PREX2: variants seen among roughly 807,000 people sequenced by gnomAD.
PREX2 encodes the protein phosphatidylinositol 3,4,5-trisphosphate-dependent Rac exchanger 2 protein.
A neutral mutation model predicts 203.2 loss-of-function variants in PREX2; 107 were observed. That is an observed-to-expected ratio of 0.53 (90% confidence interval 0.45 to 0.62). The LOEUF (loss-of-function observed/expected upper bound fraction) is 0.62, where lower values mean the gene tolerates loss of function less well. Ranked by LOEUF, PREX2 falls within the 20% of genes least tolerant of loss-of-function variation. The probability of loss-of-function intolerance (pLI) is 0.00; values close to 1 mark genes in which losing one functional copy is unlikely to be tolerated. For missense variants in PREX2, 1,777 were observed against 1,955.9 expected, an observed-to-expected ratio of 0.91 and a Z score of 1.72; for synonymous variants, 672 against 663.6, an observed-to-expected ratio of 1.01 and a Z score of -0.19.
In PREX2 at chr8:68,108,176, T is replaced by C. The variant is rs1488433073; in HGVS notation, c.2783T>C (p.Leu928Pro). ...CAGGCCAAATCTAAAATCTCCCCAC[T>C]GCACAGCAGTGATTTCTGCCCTACC... ...FKQAKSKISP[L>P]HSSDFCPTNC... Residue 928 changes from leucine (L) to proline (P), a missense_variant, in exon 24 of 40, where the codon CTG (leucine) becomes CCG (proline). By Grantham distance (98) the Leu-to-Pro change is moderately conservative. Coordinates refer to ENST00000288368, the MANE Select transcript of PREX2 (RefSeq NM_024870.4). 6.2e-7 allele frequency: 1 copy of C among 1,614,010 alleles called. No homozygotes were observed. The highest frequency in any genetic ancestry group is 1.1e-5 in the South Asian group (1 of 91,076).
intron 35 of PREX2, among the ~76,000 whole-genome samples, chr8:68,190,684 C>T (rs1355169465): frequency 6.6e-6 from 1 of 151,678 alleles, no homozygotes; most frequent in Non-Finnish European, 1.5e-5. Context: ...AGTAGAAGCC[C>T]AAATCCCACC....
intron 20 of PREX2, among the ~76,000 whole-genome samples, chr8:68,092,768 A>G (rs567186067): frequency 6.6e-6 from 1 of 152,158 alleles, no homozygotes; most frequent in Non-Finnish European, 1.5e-5. Context: ...GATTTGTACA[A>G]TTATAGATAA....
At chr8:68,095,661 C>G (rs1486339773) in intron 21 of PREX2, among the ~76,000 whole-genome samples, 2 of 110,112 alleles carry the variant, frequency 1.8e-5, no homozygotes, top group African/African-American at 7.1e-5. Context: ...CAGAGTCTTT[C>G]TTTGTCACCC....
chr8:68,173,077 C>T (rs1811911185), intron 35 of PREX2, among the ~76,000 whole-genome samples: 2 of 152,110 alleles, frequency 1.3e-5, no homozygotes, highest in Admixed American at 6.6e-5. Flanking sequence ...CTGACTTCCT[C>T]AATACATATT....
chr8:68,146,361 T>C lies in PREX2; in HGVS notation c.4231+9T>C. ...TGTTCTTTTTGCACAAGGTAAACTGTTTCTCTTTTGATGGCTGCTATACTT... is the reference window on the plus strand; with the variant it reads ...TGTTCTTTTTGCACAAGGTAAACTGCTTCTCTTTTGATGGCTGCTATACTT... On this transcript the variant is annotated intron_variant, in intron 34 of 39. Coordinates refer to ENST00000288368, the MANE Select transcript of PREX2 (RefSeq NM_024870.4). 3.7e-6 allele frequency: 6 copies of C among 1,606,496 alleles called. No individual in the cohort carries two copies. The highest frequency in any genetic ancestry group is 5.1e-6 in the Non-Finnish European group (6 of 1,176,290).
At chr8:68,097,393 C>T (rs531538200) in intron 22 of PREX2, among the ~76,000 whole-genome samples, 192 bp downstream of exon 22, 1 of 151,120 alleles carries the variant, frequency 6.6e-6, no homozygotes, top group African/African-American at 2.4e-5. Flanking sequence ...GGCGTGATCT[C>T]GGCTCACTGC....
intron 34 of PREX2, among the ~76,000 whole-genome samples, chr8:68,156,266 T>A (rs1811542715): frequency 6.6e-6 from 1 of 152,172 alleles, no homozygotes; most frequent in Admixed American, 6.5e-5. Flanking sequence ...GGTCTCGCTA[T>A]GTTGCCTAGG....
chr8:67,992,179 A>T (rs961812838), intron 1 of PREX2, among the ~76,000 whole-genome samples: 1 of 152,044 alleles, frequency 6.6e-6, no homozygotes, highest in Non-Finnish European at 1.5e-5. Context: ...AAGCTAAGAT[A>T]CGAGTGCTGG....
At chr8:68,125,708 A>T (rs1453370808) in intron 30 of PREX2, among the ~76,000 whole-genome samples, 1 of 152,098 alleles carries the variant, frequency 6.6e-6, no homozygotes, top group East Asian at 1.9e-4. Context: ...ATTAGTGAAC[A>T]CATTTTCAAC....
At chr8:68,127,494 AG>A (rs1281856018) in intron 31 of PREX2, 75 bp downstream of exon 31, 4 of 976,224 alleles carry the variant, frequency 4.1e-6, no homozygotes, top group Non-Finnish European at 6.5e-6. Context: ...TTGAAATTTG[AG>A]GACAACGCCT....
chr8:68,026,236 T>C (rs1156820741), intron 4 of PREX2, among the ~76,000 whole-genome samples: 1 of 152,088 alleles, frequency 6.6e-6, no homozygotes, highest in Admixed American at 6.6e-5. Context: ...TTGAGGCTGA[T>C]ATGCAGTTGC....
chr8:67,984,906 A>T (rs6986219), intron 1 of PREX2, among the ~76,000 whole-genome samples: 42,735 of 151,880 alleles, frequency 0.28, 6,371 homozygotes, highest in East Asian at 0.54. Context: ...AGGGGGCCTC[A>T]CCACCTCCCC....
At chr8:68,135,049 A>T (rs1002654076) in intron 32 of PREX2, among the ~76,000 whole-genome samples, 1 of 151,942 alleles carries the variant, frequency 6.6e-6, no homozygotes, top group African/African-American at 2.4e-5. Context: ...GTTAAAGTAC[A>T]CATAGAAAAT....
rs138108163 is a variant in PREX2, at chr8:67,972,060, T to C, written c.141+19525T>C. Among the ~76,000 whole-genome samples, 74 of 152,356 alleles carry C rather than the reference T, an allele frequency of 4.9e-4. 1 individual carries two copies. The highest frequency in any genetic ancestry group is 3.4e-3 in the Middle Eastern group (1 of 294). Reference sequence around the variant, plus strand: ...GGAGATTTGAAGTGCAAGAAACTGATTTCTGTAAAGCCACTTGTTTGATGT... The same window carrying C: ...GGAGATTTGAAGTGCAAGAAACTGACTTCTGTAAAGCCACTTGTTTGATGT... On this transcript the variant is annotated intron_variant, in intron 1 of 39. Transcript: ENST00000288368.
chr8:68,181,488 G>C (rs982305273), intron 35 of PREX2, among the ~76,000 whole-genome samples: 6 of 152,048 alleles, frequency 3.9e-5, no homozygotes, highest in African/African-American at 1.4e-4. Context: ...CAGTTGATTT[G>C]AATTAAGCAC....
At chr8:68,137,289 A>G (rs1811132337) in intron 32 of PREX2, among the ~76,000 whole-genome samples, 1 of 151,556 alleles carries the variant, frequency 6.6e-6, no homozygotes, top group South Asian at 2.1e-4. Context: ...TTTTTAAGAG[A>G]TGGGGTCTTG....
rs371950517 is a variant in PREX2 at position 68,007,582 on chromosome 8, C to T, written c.142-10264C>T. ...TAGAAAAAATAGTAATAACAGCAAACGTAGACATTGACACTCGATGTACCA... is the reference window on the plus strand; with the variant it reads ...TAGAAAAAATAGTAATAACAGCAAATGTAGACATTGACACTCGATGTACCA... On this transcript the variant is annotated intron_variant, in intron 1 of 39. Transcript: ENST00000288368. Among the ~76,000 whole-genome samples, 303 of 152,210 alleles carry T rather than the reference C, an allele frequency of 2.0e-3. 6 individuals carry two copies. The South Asian group carries it at 0.027, about 13-fold the overall frequency.
chr8:68,062,319 G>A (rs1808882357), intron 11 of PREX2, among the ~76,000 whole-genome samples: 1 of 152,110 alleles, frequency 6.6e-6, no homozygotes, highest in South Asian at 2.1e-4. Context: ...TTAAAACGGG[G>A]ATATGATCAA....
At chr8:68,148,119 C>A (rs941323160) in intron 34 of PREX2, among the ~76,000 whole-genome samples, 5 of 151,942 alleles carry the variant, frequency 3.3e-5, no homozygotes, top group African/African-American at 1.2e-4. Flanking sequence ...TGTTGGTATG[C>A]GCCTGTAATC....
Sources: gnomAD v4.1 joint callset for allele counts (sites outside exome capture counted in the v4.1 genomes callset) on GRCh38, gnomAD v4.1.1 for gene constraint, MANE v1.5 for transcripts, NCBI Gene and HGNC (gene_info 2026-07-23, HGNC 2026-07-21) for gene names.